PARD3B: variants seen among roughly 807,000 people sequenced by gnomAD.
The protein encoded by PARD3B is par-3 family cell polarity regulator beta.
Under a neutral mutation model 130.2 loss-of-function variants are expected in PARD3B, and 103 were observed. The observed-to-expected ratio is 0.79, with a 90% CI of 0.67 to 0.93. PARD3B has a LOEUF of 0.93. Among genes scored for constraint, PARD3B ranks in the 40% least tolerant of loss-of-function variants. PARD3B has a pLI of 0.00. For synonymous variants in PARD3B, 583 were observed against 553.2 expected, an observed-to-expected ratio of 1.05 and a Z score of -0.76; for missense variants, 1,609 against 1,499.2, an observed-to-expected ratio of 1.07 and a Z score of -1.21.
chr2:204,935,963 A>T (rs1244822456), intron 2 of PARD3B, among the ~76,000 whole-genome samples: 1 of 152,240 alleles, frequency 6.6e-6, no homozygotes, highest in East Asian at 1.9e-4. Flanking sequence ...ATATTAATTG[A>T]GTATACATTG....
At chr2:204,581,254 G>C (rs1479895848) in intron 1 of PARD3B, among the ~76,000 whole-genome samples, 1 of 152,178 alleles carries the variant, frequency 6.6e-6, no homozygotes, top group Non-Finnish European at 1.5e-5. Flanking sequence ...ACACAGGTCT[G>C]TTCTCTCTGA....
Position 205,490,010 on chromosome 2 carries a change from G to C in PARD3B, c.3045-9886G>C, listed in dbSNP as rs115270393. On this transcript the variant is annotated intron_variant, in intron 20 of 22. Coordinates refer to ENST00000406610, the MANE Select transcript of PARD3B (RefSeq NM_001302769.2). ...AATCACATAGGAGGAAGTTGCCTTC[G>C]TGAATCAATGGATTACTTTCAGTGG... is the stretch of plus-strand genomic sequence containing the variant. Among the ~76,000 whole-genome samples, 388 of 152,268 alleles carry C rather than the reference G, an allele frequency of 2.5e-3. 5 individuals are homozygous for C. Among genetic ancestry groups the C allele is most frequent in the African/African-American group, 8.9e-3 (370 of 41,544 alleles).
At position 204,669,590 on chromosome 2, in the gene PARD3B, T is replaced by C. The variant is rs1476578548; in HGVS notation, c.121-16591T>C. Reference sequence around the variant, plus strand: ...TTGTTAGGAATGACAAATAGTCATTTCCTATTTGGTTTATCAGGGAACACT... The same window carrying C: ...TTGTTAGGAATGACAAATAGTCATTCCCTATTTGGTTTATCAGGGAACACT... On this transcript the variant is annotated intron_variant, in intron 1 of 22. Coordinates refer to ENST00000406610, the MANE Select transcript of PARD3B (RefSeq NM_001302769.2). The surrounding 1 kb of genome is among the most constrained non-coding windows in gnomAD (Gnocchi z 4.3). 6.6e-6 allele frequency among the ~76,000 whole-genome samples: 1 copy of C among 152,180 alleles called. No homozygotes were observed. Among genetic ancestry groups the C allele is most frequent in the African/African-American group, 2.4e-5 (1 of 41,436 alleles).
At position 204,907,992 on chromosome 2, in the gene PARD3B, G is replaced by A. The variant is rs745591618; in HGVS notation, c.223-57160G>A. Among the ~76,000 whole-genome samples the A allele has an allele frequency of 4.6e-5, 7 of 152,094 alleles. No homozygotes were observed. The highest frequency in any genetic ancestry group is 2.1e-4 in the South Asian group (1 of 4,822). Reference sequence around the variant, plus strand: ...GCTGGAATTGCGGGCATGAGCCACCGCACCCAGCCTAAAGAGTGTTTTTTA... The same window carrying A: ...GCTGGAATTGCGGGCATGAGCCACCACACCCAGCCTAAAGAGTGTTTTTTA... On this transcript the variant is annotated intron_variant, in intron 2 of 22. Coordinates refer to ENST00000406610, the MANE Select transcript of PARD3B (RefSeq NM_001302769.2). The surrounding 1 kb of genome is among the most constrained non-coding windows in gnomAD (Gnocchi z 5.7).
At chr2:204,547,092 C>A (rs552656132) in intron 1 of PARD3B, among the ~76,000 whole-genome samples, 1 of 152,162 alleles carries the variant, frequency 6.6e-6, no homozygotes, top group African/African-American at 2.4e-5. Context: ...TATTTGGTCT[C>A]GTGCCATGTG....
intron 19 of PARD3B, among the ~76,000 whole-genome samples, chr2:205,420,903 G>A (rs2046946026): frequency 6.6e-6 from 1 of 152,146 alleles, no homozygotes; most frequent in Non-Finnish European, 1.5e-5. Context: ...ATCACTTTGA[G>A]AGGCCCAGGC....
chr2:204,763,115 A>G (rs925534344), intron 2 of PARD3B, among the ~76,000 whole-genome samples: 1 of 152,146 alleles, frequency 6.6e-6, no homozygotes. Flanking sequence ...TCTGCCTCAT[A>G]TTGTATAACC....
At chr2:205,323,964 C>T (rs760467765) in intron 18 of PARD3B, among the ~76,000 whole-genome samples, 52 of 152,132 alleles carry the variant, frequency 3.4e-4, no homozygotes, top group Admixed American at 5.2e-4. Flanking sequence ...TGTATTTACC[C>T]ATGCTTTTCC....
chr2:204,902,619 AGATCGC>A (rs1433969915), intron 2 of PARD3B, among the ~76,000 whole-genome samples: 2 of 142,810 alleles, frequency 1.4e-5, no homozygotes, highest in African/African-American at 5.2e-5. Context: ...CAGTGAGCCG[AGATCGC>A]GCCACTGCAC....
At chr2:205,249,005 A>ATTTTTTTTTTTTTT (rs1169475061) in intron 16 of PARD3B, among the ~76,000 whole-genome samples, 1 of 112,398 alleles carries the variant, frequency 8.9e-6, no homozygotes, top group African/African-American at 3.9e-5. Context: ...TTAAAATAAG[A>ATTTTTTTTTTTTTT]GTTTTTTTTT....
intron 18 of PARD3B, among the ~76,000 whole-genome samples, chr2:205,378,863 C>A (rs1268868359): frequency 6.6e-6 from 1 of 151,850 alleles, no homozygotes; most frequent in Non-Finnish European, 1.5e-5. Flanking sequence ...ATCTCTTGAC[C>A]TTGTGATCTG....
intron 22 of PARD3B, among the ~76,000 whole-genome samples, chr2:205,560,064 A>G (rs13411536): frequency 0.035 from 5,331 of 152,302 alleles, 234 homozygotes; most frequent in South Asian, 0.12. Flanking sequence ...GAGAGAGGTT[A>G]AATAAACTTG....
intron 1 of PARD3B, among the ~76,000 whole-genome samples, chr2:204,683,596 G>C (rs1001414329): frequency 4.6e-5 from 7 of 152,078 alleles, no homozygotes; most frequent in African/African-American, 1.4e-4. Flanking sequence ...AATCACAGTT[G>C]GTATGTACTG....
At chr2:204,570,203 C>CT (rs2031910975) in intron 1 of PARD3B, among the ~76,000 whole-genome samples, 1 of 152,144 alleles carries the variant, frequency 6.6e-6, no homozygotes, top group Non-Finnish European at 1.5e-5. Flanking sequence ...CAAGGGAGAG[C>CT]TTGTTGTACT....
chr2:205,016,593 C>T (rs1696168309), intron 3 of PARD3B, among the ~76,000 whole-genome samples: 1 of 152,172 alleles, frequency 6.6e-6, no homozygotes, highest in Non-Finnish European at 1.5e-5. Flanking sequence ...AGTAGGGGTA[C>T]TCTGATTCCC....
intron 18 of PARD3B, among the ~76,000 whole-genome samples, chr2:205,398,988 G>T (rs571505648): frequency 6.6e-6 from 1 of 152,240 alleles, no homozygotes; most frequent in African/African-American, 2.4e-5. Flanking sequence ...TCTAAGAATC[G>T]CTGGGCACGG....
At chr2:205,439,669 T>G (rs1055669631) in intron 19 of PARD3B, among the ~76,000 whole-genome samples, 15 of 152,216 alleles carry the variant, frequency 9.9e-5, no homozygotes, top group African/African-American at 3.4e-4. Flanking sequence ...CACTGTGGAG[T>G]TCTGCCAGTA....
intron 2 of PARD3B, among the ~76,000 whole-genome samples, chr2:204,896,334 C>T (rs1039453570): frequency 7.9e-5 from 12 of 152,064 alleles, no homozygotes; most frequent in Admixed American, 7.2e-4. Context: ...CCATGTCATG[C>T]TTCTGTTTCT....
chr2:205,163,600 A>G (rs2034633289), intron 11 of PARD3B, among the ~76,000 whole-genome samples: 1 of 152,204 alleles, frequency 6.6e-6, no homozygotes, highest in Admixed American at 6.5e-5. Context: ...ACTAAACTCT[A>G]AATTTTTGGA....
Sources: gnomAD v4.1 joint callset for allele counts (sites outside exome capture counted in the v4.1 genomes callset) on GRCh38, gnomAD v4.1.1 for gene constraint, Gnocchi (gnomAD v3.1) non-coding constraint, MANE v1.5 for transcripts, NCBI Gene and HGNC (gene_info 2026-07-23, HGNC 2026-07-21) for gene names.